Variants in ATXN1 observed in about 807,000 individuals in gnomAD.
ATXN1 encodes the protein ataxin 1.
In ATXN1, 8 loss-of-function variants were observed where a neutral mutation model predicts 56.4. The observed-to-expected ratio is 0.14, with a 90% CI of 0.08 to 0.26. The LOEUF is 0.26. Among genes scored for constraint, ATXN1 ranks in the 10% least tolerant of loss-of-function variants. The probability of loss-of-function intolerance (pLI) is 1.00; values close to 1 mark genes in which losing one functional copy is unlikely to be tolerated. For missense variants in ATXN1, 987 were observed against 1,106.5 expected, an observed-to-expected ratio of 0.89 and a Z score of 1.53; for synonymous variants, 514 against 494.6, an observed-to-expected ratio of 1.04 and a Z score of -0.52.
Position 16,364,366 on chromosome 6 carries a change from G to A in ATXN1, c.-160-35896C>T, listed in dbSNP as rs185807376. 8.2e-4 allele frequency among the ~76,000 whole-genome samples: 125 copies of A among 151,906 alleles called. 3 individuals carry two copies. Among genetic ancestry groups the A allele is most frequent in the Non-Finnish European group, 1.8e-4 (12 of 67,962 alleles). The stretch of plus-strand genomic sequence containing the variant: ...TGTCGCCAGGCTGGAGTGCAGTGGC[G>A]CGATCTCAGCTCACTGCAAGCTCCG... On this transcript the variant is annotated intron_variant, in intron 6 of 7. Coordinates refer to ENST00000436367, the MANE Select transcript of ATXN1 (RefSeq NM_001128164.2).
intron 5 of ATXN1, among the ~76,000 whole-genome samples, chr6:16,510,957 C>G (rs779912212): frequency 1.3e-5 from 2 of 152,166 alleles, no homozygotes; most frequent in Non-Finnish European, 2.9e-5. Flanking sequence ...TTAATGAAAT[C>G]GGTTGGCTGT....
chr6:16,562,385 A>AAAG (rs1261049967), intron 4 of ATXN1, among the ~76,000 whole-genome samples: 10 of 150,340 alleles, frequency 6.7e-5, no homozygotes, highest in Admixed American at 6.6e-4. Context: ...AAAAAAAAAA[A>AAAG]AAGAAGAAGA....
At chr6:16,722,082 G>A (rs1471526776) in intron 2 of ATXN1, among the ~76,000 whole-genome samples, 1 of 152,174 alleles carries the variant, frequency 6.6e-6, no homozygotes, top group Non-Finnish European at 1.5e-5. Flanking sequence ...CTTCTAGCCA[G>A]CCTACACAAT....
intron 4 of ATXN1, among the ~76,000 whole-genome samples, chr6:16,581,981 T>C (rs1329615910): frequency 2.0e-5 from 3 of 152,200 alleles, no homozygotes; most frequent in African/African-American, 7.2e-5. Flanking sequence ...ATTACCTAAA[T>C]TGAGAGATGA....
intron 3 of ATXN1, among the ~76,000 whole-genome samples, chr6:16,597,289 C>T (rs186657609): frequency 6.6e-6 from 1 of 152,328 alleles, no homozygotes; most frequent in East Asian, 1.9e-4. Flanking sequence ...TCACCCTTGC[C>T]CCTTGGCCCT....
chr6:16,431,748 A>G (rs1476729987), intron 6 of ATXN1, among the ~76,000 whole-genome samples: 3 of 152,216 alleles, frequency 2.0e-5, no homozygotes, highest in Admixed American at 6.5e-5. Context: ...TCTCCACGAT[A>G]TCAAAATCCT....
intron 6 of ATXN1, among the ~76,000 whole-genome samples, chr6:16,482,784 T>G (rs1760464933): frequency 6.6e-6 from 1 of 152,220 alleles, no homozygotes; most frequent in African/African-American, 2.4e-5. Context: ...TAGTGAAAGA[T>G]GTAATAACTC....
chr6:16,454,125 C>CAAAAAAAAAAAAAAAAAAAAA (rs56277549), intron 6 of ATXN1, among the ~76,000 whole-genome samples: 2 of 76,668 alleles, frequency 2.6e-5, no homozygotes, highest in Admixed American at 1.4e-4. Flanking sequence ...GACTCTGTCT[C>CAAAAAAAAAAAAAAAAAAAAA]AAAAAAAAAA....
chr6:16,489,623 G>A (rs921710441), intron 5 of ATXN1, among the ~76,000 whole-genome samples: 2 of 152,102 alleles, frequency 1.3e-5, no homozygotes, highest in Non-Finnish European at 2.9e-5. Context: ...GCAGACCTCT[G>A]AGGCAGTGAT....
intron 5 of ATXN1, among the ~76,000 whole-genome samples, chr6:16,496,741 T>A (rs1399606803): frequency 6.6e-6 from 1 of 152,186 alleles, no homozygotes; most frequent in Non-Finnish European, 1.5e-5. Flanking sequence ...CTTTACACCA[T>A]GAGCATTCTA....
At chr6:16,689,738 A>G (rs983536966) in intron 2 of ATXN1, among the ~76,000 whole-genome samples, 3 of 152,052 alleles carry the variant, frequency 2.0e-5, no homozygotes, top group African/African-American at 7.2e-5. Flanking sequence ...ATCACCTCAC[A>G]TACTTATTTT....
chr6:16,446,865 A>G (rs1295079648), intron 6 of ATXN1, among the ~76,000 whole-genome samples: 3 of 152,218 alleles, frequency 2.0e-5, no homozygotes, highest in Admixed American at 2.0e-4. Context: ...AATAGCCTAG[A>G]GTAACATGGA....
At chr6:16,523,606 C>A (rs1761336808) in intron 4 of ATXN1, among the ~76,000 whole-genome samples, 1 of 152,198 alleles carries the variant, frequency 6.6e-6, no homozygotes, top group African/African-American at 2.4e-5. Context: ...TACCCCATTC[C>A]TGCACTTTGC....
chr6:16,483,527 A>AC (rs1760479780), intron 6 of ATXN1, among the ~76,000 whole-genome samples: 1 of 152,106 alleles, frequency 6.6e-6, no homozygotes, highest in Admixed American at 6.6e-5. Flanking sequence ...AAAACTAGGA[A>AC]CCCCCCACTG....
At chr6:16,309,351 T>A (rs1247918120) in intron 7 of ATXN1, among the ~76,000 whole-genome samples, 1 of 151,972 alleles carries the variant, frequency 6.6e-6, no homozygotes, top group Non-Finnish European at 1.5e-5. Context: ...TCCAGTTGAA[T>A]AGACATGGAT....
chr6:16,531,404 C>A lies in ATXN1; in HGVS notation c.-360-8716G>T, dbSNP rs149675731. ...TTGGGAGGCCGAGGCCAGTGGATCA[C>A]CTGAGGTCAGAAGTTCAAGACCAGC... On this transcript the variant is annotated intron_variant, in intron 4 of 7. Coordinates refer to ENST00000436367, the MANE Select transcript of ATXN1 (RefSeq NM_001128164.2). Among the ~76,000 whole-genome samples the A allele has an allele frequency of 4.6e-5, 7 of 152,306 alleles. No homozygotes were observed. In the East Asian group the frequency reaches 1.3e-3, roughly 29 times the overall value.
chr6:16,640,526 A>G (rs1316644792), intron 3 of ATXN1, among the ~76,000 whole-genome samples: 1 of 152,108 alleles, frequency 6.6e-6, no homozygotes, highest in Non-Finnish European at 1.5e-5. Context: ...TACTAAAAAT[A>G]CAAAAAGTTA....
rs189230631 is a variant in ATXN1, at chr6:16,493,157, G to A, written c.-298-7048C>T. 9.7e-3 allele frequency among the ~76,000 whole-genome samples: 1,473 copies of A among 152,238 alleles called. 17 individuals are homozygous for A. Among genetic ancestry groups the A allele is most frequent in the Admixed American group, 0.016 (237 of 15,288 alleles). On this transcript the variant is annotated intron_variant, in intron 5 of 7. Transcript: ENST00000436367. Reference sequence around the variant, plus strand: ...AAAGTAGATATAACACAACTTCCCCGTGCCATCCATACCTTCATTGGTTCC... The same window carrying A: ...AAAGTAGATATAACACAACTTCCCCATGCCATCCATACCTTCATTGGTTCC...
intron 2 of ATXN1, chr6:16,739,439 T>C (rs1432332614): frequency 5.7e-6 from 1 of 174,176 alleles, no homozygotes; most frequent in Non-Finnish European, 1.3e-5. Flanking sequence ...AAGATGAATT[T>C]ATCCTCCACT....
Sources: gnomAD v4.1 joint callset for allele counts (sites outside exome capture counted in the v4.1 genomes callset) on GRCh38, gnomAD v4.1.1 for gene constraint, MANE v1.5 for transcripts, NCBI Gene and HGNC (gene_info 2026-07-23, HGNC 2026-07-21) for gene names.